YTHDF2: variants seen among roughly 807,000 people sequenced by gnomAD.
The protein encoded by YTHDF2 is YTH N6-methyladenosine RNA binding protein F2.
In YTHDF2, 2 loss-of-function variants were observed where a neutral mutation model predicts 50.4. The observed-to-expected ratio is 0.04, with a 90% CI of 0.02 to 0.12. The LOEUF (loss-of-function observed/expected upper bound fraction) is 0.12. Among genes scored for constraint, YTHDF2 ranks in the 10% least tolerant of loss-of-function variants. YTHDF2 has a pLI of 1.00. For missense variants in YTHDF2, 483 were observed against 722.6 expected (o/e 0.67, Z 3.80); for synonymous variants, 217 against 255.6 (o/e 0.85, Z 1.44).
chr1:28,736,832 G>A (rs1570456967), upstream of YTHDF2: 1 of 390,850 alleles, frequency 2.6e-6, no homozygotes, highest in South Asian at 3.7e-5. Context: ...GAGAGTCAGC[G>A]CTCGCGCCGC....
chr1:28,745,715 T>TCCCCCCC (rs2087847349), intron 4 of YTHDF2, among the ~76,000 whole-genome samples: 1 of 51,732 alleles, frequency 1.9e-5, no homozygotes, highest in African/African-American at 7.3e-5. Context: ...TAAACTCCCA[T>TCCCCCCC]CTCCCCCCGC....
rs117780617 is a variant in YTHDF2, at chr1:28,767,042, A to G, written c.1717-1887A>G. 3.2e-3 allele frequency among the ~76,000 whole-genome samples: 471 copies of G among 145,604 alleles called. 22 individuals carry two copies. The East Asian group carries it at 0.082, about 25-fold the overall frequency. Reference sequence around the variant, plus strand: ...TTTTTTGTAGAGACAGTGTCTCCATATGTTGGCCAGGCTGGTCTTGAACTC... The same window carrying G: ...TTTTTTGTAGAGACAGTGTCTCCATGTGTTGGCCAGGCTGGTCTTGAACTC... On this transcript the variant is annotated intron_variant, in intron 4 of 4. Coordinates refer to ENST00000373812, the MANE Select transcript of YTHDF2 (RefSeq NM_016258.3).
intron 4 of YTHDF2, among the ~76,000 whole-genome samples, chr1:28,749,458 G>C (rs2087915545): frequency 6.6e-6 from 1 of 152,116 alleles, no homozygotes; most frequent in African/African-American, 2.4e-5. Flanking sequence ...GGGATTACAG[G>C]CGTGAGCCAC....
At chr1:28,739,068 A>G (rs901425406) in intron 3 of YTHDF2, 4 of 152,228 alleles carry the variant, frequency 2.6e-5, no homozygotes, top group African/African-American at 9.6e-5. Flanking sequence ...TATGATAGGG[A>G]AAGTTCTAAT....
intron 4 of YTHDF2, among the ~76,000 whole-genome samples, chr1:28,755,310 G>A (rs983575265): frequency 1.3e-5 from 2 of 152,086 alleles, no homozygotes; most frequent in African/African-American, 4.8e-5. Context: ...GATAGGTAAA[G>A]GCATGGAAGA....
intron 4 of YTHDF2, among the ~76,000 whole-genome samples, chr1:28,764,455 T>G (rs541248717): frequency 3.4e-4 from 51 of 150,850 alleles, no homozygotes; most frequent in Admixed American, 2.7e-3. Context: ...TTTGTTTTTT[T>G]TAGTAGTGGG....
intron 4 of YTHDF2, among the ~76,000 whole-genome samples, chr1:28,754,719 A>C: frequency 6.6e-6 from 1 of 150,612 alleles, no homozygotes; most frequent in East Asian, 2.0e-4. Context: ...CAGGAGAATC[A>C]CTTGAAACCA....
intron 3 of YTHDF2, 123 bp from the exon 4 acceptor site, chr1:28,742,280 C>A: frequency 7.8e-7 from 1 of 1,284,480 alleles, no homozygotes; most frequent in Non-Finnish European, 1.1e-6. Flanking sequence ...CAGGTGTGAG[C>A]CACCGCGTCC....
chr1:28,740,599 A>G (rs1263513453), intron 3 of YTHDF2, among the ~76,000 whole-genome samples: 1 of 152,182 alleles, frequency 6.6e-6, no homozygotes, highest in Non-Finnish European at 1.5e-5. Flanking sequence ...AATTTCTTAT[A>G]TATGTGGATT....
intron 4 of YTHDF2, among the ~76,000 whole-genome samples, chr1:28,761,106 AGTGTGTGT>A (rs137903917): frequency 1.6e-4 from 20 of 121,746 alleles, no homozygotes; most frequent in Non-Finnish European, 2.6e-4. Context: ...ATCGTGCATG[AGTGTGTGT>A]GTGTGTGTGT....
At position 28,760,271 on chromosome 1, in the gene YTHDF2, T is replaced by TTGTGTGTG. The variant is rs28969505; in HGVS notation, c.1717-8621_1717-8614dup. On this transcript the variant is annotated intron_variant, in intron 4 of 4. Transcript: ENST00000373812. Reference sequence around the variant, plus strand: ...ATATATAAGCCAATAACATAGTAGGTTGTGTGTGTGTGTGTGTGTGTGTGT... The same window carrying TTGTGTGTG: ...ATATATAAGCCAATAACATAGTAGGTTGTGTGTGTGTGTGTGTGTGTGTGTGTGTGTGT... Among the ~76,000 whole-genome samples the TTGTGTGTG allele has an allele frequency of 8.3e-4, 122 of 147,356 alleles. 1 individual carries two copies. Among genetic ancestry groups the TTGTGTGTG allele is most frequent in the East Asian group, 6.4e-3 (31 of 4,812 alleles).
intron 4 of YTHDF2, among the ~76,000 whole-genome samples, chr1:28,754,836 G>T (rs1195519873): frequency 6.6e-6 from 1 of 151,948 alleles, no homozygotes; most frequent in African/African-American, 2.4e-5. Context: ...AAGAGTGGTG[G>T]TGTGTGCCTA....
At chr1:28,745,736 C>CAA (rs1351367835) in intron 4 of YTHDF2, among the ~76,000 whole-genome samples, 9 of 108,398 alleles carry the variant, frequency 8.3e-5, no homozygotes, top group Non-Finnish European at 1.4e-4. Flanking sequence ...CCCCCCCCCC[C>CAA]AAAAAAAAAC....
rs947179845 is a variant in YTHDF2 at position 28,768,529 on chromosome 1, A to G, written c.1717-400A>G. 3.9e-5 allele frequency among the ~76,000 whole-genome samples: 6 copies of G among 152,078 alleles called. No individual in the cohort carries two copies. In the East Asian group the frequency reaches 1.2e-3, roughly 29 times the overall value. ...TTATGAGTATGTCCAAGGCCTTGGG[A>G]CTAGTTTGGGATTTGAATTTAGGTC... On this transcript the variant is annotated intron_variant, in intron 4 of 4. Transcript: ENST00000373812.
chr1:28,737,899 TG>T (rs1484941743), intron 2 of YTHDF2: 1 of 612,340 alleles, frequency 1.6e-6, no homozygotes, highest in Non-Finnish European at 2.8e-6. Context: ...GGGGGTGGAT[TG>T]GGTTTTGAAA....
chr1:28,766,544 T>C (rs2088219922), intron 4 of YTHDF2, among the ~76,000 whole-genome samples: 1 of 152,208 alleles, frequency 6.6e-6, no homozygotes, highest in Admixed American at 6.5e-5. Flanking sequence ...AATGTTAACT[T>C]TGGTCACTTT....
intron 4 of YTHDF2, among the ~76,000 whole-genome samples, chr1:28,749,019 A>G (rs1329102505): frequency 6.6e-6 from 1 of 152,146 alleles, no homozygotes; most frequent in African/African-American, 2.4e-5. Flanking sequence ...CCACAAACTC[A>G]GAAATTCTTA....
At chr1:28,742,316 T>G in intron 3 of YTHDF2, 87 bp from the exon 4 acceptor site, 3 of 1,474,754 alleles carry the variant, frequency 2.0e-6, no homozygotes, top group Non-Finnish European at 1.8e-6. Context: ...TTTTATAGTA[T>G]ATTTGAATTG....
At chr1:28,738,921 A>G (rs1402354899) in intron 3 of YTHDF2, among the ~76,000 whole-genome samples, 1 of 152,242 alleles carries the variant, frequency 6.6e-6, no homozygotes, top group Non-Finnish European at 1.5e-5. Context: ...AGAACGTAAT[A>G]CTGATAACAC....
Sources: allele counts gnomAD v4.1 joint callset (sites outside exome capture counted in the v4.1 genomes callset), GRCh38; gene constraint gnomAD v4.1.1; transcripts MANE v1.5; gene names NCBI Gene and HGNC (gene_info 2026-07-23, HGNC 2026-07-21).